GIT2: variants seen among roughly 807,000 people sequenced by gnomAD.
GIT2 encodes the protein ARF GTPase-activating protein GIT2.
GIT2 carries 32 observed loss-of-function variants against 100.3 expected under a neutral mutation model. The observed-to-expected ratio is 0.32, with a 90% CI of 0.24 to 0.43. GIT2 has a LOEUF of 0.43. Ranked by LOEUF, GIT2 falls within the 20% of genes least tolerant of loss-of-function variation. GIT2 has a pLI of 1.00. For synonymous variants in GIT2, 353 were observed against 364.1 expected (o/e 0.97, Z 0.35); for missense variants, 737 against 975.1 (o/e 0.76, Z 3.25).
At chr12:109,980,780 C>G in intron 7 of GIT2, 172 bp downstream of exon 7, 8 of 612,054 alleles carry the variant, frequency 1.3e-5, no homozygotes, top group Non-Finnish European at 2.1e-5. Flanking sequence ...AACTTTATAT[C>G]TTTTACATGT....
At chr12:110,000,142 G>T (rs1482007471), upstream of GIT2, among the ~76,000 whole-genome samples, 1 of 152,198 alleles carries the variant, frequency 6.6e-6, no homozygotes, top group Non-Finnish European at 1.5e-5. Context: ...GGAATGCACC[G>T]TCTTAACCAT....
rs555484126 is a variant in GIT2, at chr12:109,991,776, A to C, written c.53-16T>G. On this transcript the variant is annotated splice_polypyrimidine_tract_variant and intron_variant, in intron 1 of 19. Transcript: ENST00000355312. The stretch of plus-strand genomic sequence containing the variant: ...CAGGAAGGATCTGGAAAGAGAGTGA[A>C]ATCTCAGTGGCAGGGATACCAGCAG... 1.9e-6 allele frequency: 3 copies of C among 1,606,926 alleles called. No homozygotes were observed. The highest frequency in any genetic ancestry group is 1.7e-4 in the Middle Eastern group (1 of 6,034).
intron 1 of GIT2, 192 bp downstream of exon 1, chr12:109,995,981 G>A (rs1889331737): frequency 4.2e-6 from 2 of 475,762 alleles, no homozygotes; most frequent in Non-Finnish European, 7.5e-6. Context: ...GGGCCGCGAG[G>A]GACGGGGAGG....
intron 12 of GIT2, among the ~76,000 whole-genome samples, chr12:109,958,761 G>A (rs567936469): frequency 3.0e-4 from 46 of 152,254 alleles, no homozygotes; most frequent in African/African-American, 1.1e-3. Flanking sequence ...TATTTCTTTT[G>A]CTTAAATGAC....
At position 109,947,134 on chromosome 12, in the gene GIT2, A is replaced by G; in HGVS notation, c.1641+122T>C. The G allele has an allele frequency of 1.1e-6, 1 of 869,804 alleles. No individual in the cohort carries two copies. The highest frequency in any genetic ancestry group is 1.6e-5 in the South Asian group (1 of 61,158). The allele number at this position is 869,804 out of a possible 1,614,324, so 53.9% of individuals were successfully genotyped here. A position where few individuals can be genotyped will look rare whatever the true frequency, so the allele number is the denominator to read the frequency against. On this transcript the variant is annotated intron_variant, in intron 15 of 19. Transcript: ENST00000355312. This position sits in a 1 kb window ranked among gnomAD's most constrained non-coding sequence, Gnocchi z 4.3. ...TGGACATGTTAATACAGCAAACACA[A>G]TGGTAACTCTCTTAGTCCAATTTGG... is the stretch of plus-strand genomic sequence containing the variant.
intron 7 of GIT2, among the ~76,000 whole-genome samples, chr12:109,971,222 A>C (rs1264701662): frequency 6.6e-6 from 1 of 152,154 alleles, no homozygotes; most frequent in Non-Finnish European, 1.5e-5. Context: ...ACATCTCTCC[A>C]CTTATTCAGG....
chr12:109,988,848 CAAAAAAA>C (rs59956597), intron 4 of GIT2, 108 bp downstream of exon 4: 6,702 of 204,732 alleles, frequency 0.033, 54 homozygotes, highest in South Asian at 0.056. Flanking sequence ...GACTCTGTCT[CAAAAAAA>C]AAAAAAAAAA....
In GIT2 at chr12:109,983,383, C is replaced by G. The variant is rs897575741; in HGVS notation, c.613G>C (p.Asp205His). The G allele has an allele frequency of 1.2e-6, 2 of 1,613,440 alleles. No homozygotes were observed. Among genetic ancestry groups the G allele is most frequent in the African/African-American group, 2.7e-5 (2 of 74,928 alleles). The stretch of plus-strand genomic sequence containing the variant: ...ATCTAGGTCTCTTACCTTGCATAAT[C>G]AACGGGAGTTTTCCCACTAGAATCC... ...TQDSSGKTPV[D>H]YARQGGHHEL... Residue 205 changes from aspartate (D) to histidine (H), a missense_variant, in exon 6 of 20, where the codon GAT (aspartate) becomes CAT (histidine). Around this residue, in one of 3 missense-constraint regions of GIT2, gnomAD observed 266 missense variants for 376.2 expected, o/e 0.71. Transcript: ENST00000355312.
At chr12:109,974,581 A>G (rs1385901733) in intron 7 of GIT2, among the ~76,000 whole-genome samples, 1 of 152,192 alleles carries the variant, frequency 6.6e-6, no homozygotes, top group Admixed American at 6.6e-5. Context: ...CTCCAGTTTT[A>G]TTTGTATTAC....
At chr12:109,999,479 G>T, upstream of GIT2, 2 of 267,348 alleles carry the variant, frequency 7.5e-6, no homozygotes, top group Non-Finnish European at 1.4e-5. The surrounding 1 kb of genome is among the most constrained non-coding windows in gnomAD (Gnocchi z 4.3). Flanking sequence ...CGCGGGGCGC[G>T]GGGTGGGCGC....
chr12:109,989,578 G>T, intron 3 of GIT2, 112 bp downstream of exon 3: 1 of 648,712 alleles, frequency 1.5e-6, no homozygotes. Context: ...CACAACTAGG[G>T]TAACCCCCTC....
chr12:109,966,659 A>AAAAAC (rs915836512), intron 8 of GIT2, among the ~76,000 whole-genome samples: 3 of 152,104 alleles, frequency 2.0e-5, no homozygotes, highest in Admixed American at 6.5e-5. Flanking sequence ...CAAAGCAAAA[A>AAAAAC]AAAACAAAAC....
intron 7 of GIT2, among the ~76,000 whole-genome samples, chr12:109,975,876 A>G (rs1174675913): frequency 6.7e-6 from 1 of 150,284 alleles, no homozygotes; most frequent in Non-Finnish European, 1.5e-5. Context: ...GGTTCAAGCA[A>G]TTCTCCTGCC....
chr12:109,968,624 C>T (rs908972583), intron 7 of GIT2, among the ~76,000 whole-genome samples: 7 of 152,062 alleles, frequency 4.6e-5, no homozygotes, highest in South Asian at 4.1e-4. Flanking sequence ...GGTTTCTCCA[C>T]GTTGGTCAGG....
chr12:109,937,350 C>T (rs1156980995), intron 18 of GIT2, among the ~76,000 whole-genome samples: 1 of 152,122 alleles, frequency 6.6e-6, no homozygotes. Flanking sequence ...GCACAGCATC[C>T]CTTGAATACT....
In GIT2 at chr12:109,939,002, A is replaced by G. The variant is rs879931565; in HGVS notation, c.1814+163T>C. 1.8e-5 allele frequency: 11 copies of G among 618,670 alleles called. No homozygotes were observed. In the Admixed American group the frequency reaches 2.4e-4, roughly 13 times the overall value. The allele number at this position is 618,670 out of a possible 1,614,324, so 38.3% of individuals were successfully genotyped here. On this transcript the variant is annotated intron_variant, in intron 17 of 19. Transcript: ENST00000355312. ...CCTTTCGGCAACAATGTGAGATGACAAGACATGTAAACTACGAGCGTATGC... is the reference window on the plus strand; with the variant it reads ...CCTTTCGGCAACAATGTGAGATGACGAGACATGTAAACTACGAGCGTATGC...
chr12:109,980,829 C>CG, intron 7 of GIT2, 123 bp downstream of exon 7: 1 of 681,802 alleles, frequency 1.5e-6, no homozygotes, highest in East Asian at 2.5e-5. Flanking sequence ...AATTAAAAGC[C>CG]ATATGTATAG....
chr12:109,986,079 T>C (rs1887326248), intron 4 of GIT2, among the ~76,000 whole-genome samples: 1 of 151,408 alleles, frequency 6.6e-6, no homozygotes, highest in Admixed American at 6.6e-5. Flanking sequence ...GCAACCTTCG[T>C]CTCCCCAGTT....
intron 4 of GIT2, among the ~76,000 whole-genome samples, chr12:109,986,591 C>T (rs1179692571): frequency 6.6e-5 from 10 of 152,014 alleles, no homozygotes; most frequent in Admixed American, 1.3e-4. Context: ...AGTAAAACCT[C>T]GTCTCTACTA....
Sources: allele counts gnomAD v4.1 joint callset (sites outside exome capture counted in the v4.1 genomes callset), GRCh38; gene constraint gnomAD v4.1.1; regional missense constraint gnomAD v4.1.1; non-coding constraint Gnocchi (gnomAD v3.1); transcripts MANE v1.5; gene names NCBI Gene and HGNC (gene_info 2026-07-23, HGNC 2026-07-21).